Variants in DPP6 observed in about 807,000 individuals in gnomAD.
DPP6 encodes the protein A-type potassium channel modulatory protein DPP6.
A neutral mutation model predicts 122.6 loss-of-function variants in DPP6; 69 were observed. The observed-to-expected ratio is 0.56, with a 90% CI of 0.46 to 0.69. The LOEUF (loss-of-function observed/expected upper bound fraction) is 0.69, where lower values mean the gene tolerates loss of function less well. Among genes scored for constraint, DPP6 ranks in the 30% least tolerant of loss-of-function variants. The pLI is 0.00. For synonymous variants in DPP6, 418 were observed against 433.1 expected, an observed-to-expected ratio of 0.97 and a Z score of 0.43; for missense variants, 928 against 1,116.9, an observed-to-expected ratio of 0.83 and a Z score of 2.41.
At position 153,955,326 on chromosome 7, in the gene DPP6, C is replaced by T. The variant is rs931562237; in HGVS notation, c.51+67592C>T. On this transcript the variant is annotated intron_variant, in intron 1 of 25. Coordinates refer to the DPP6 transcript ENST00000404039. ...ATAAAGAAATCATCATCATTATCAC[C>T]GTCATCATTAATGGGTATGAGTACT... Among the ~76,000 whole-genome samples, 31 of 152,184 alleles carry T rather than the reference C, an allele frequency of 2.0e-4. No individual in the cohort carries two copies. In the East Asian group the frequency reaches 3.3e-3, roughly 16 times the overall value.
intron 1 of DPP6, among the ~76,000 whole-genome samples, chr7:153,937,322 C>T (rs1585057747): frequency 6.6e-6 from 1 of 152,166 alleles, no homozygotes; most frequent in South Asian, 2.1e-4. Context: ...CCTCAATTCC[C>T]TCCTAACTAT....
At chr7:154,513,015 A>G (rs988766090) in intron 3 of DPP6, among the ~76,000 whole-genome samples, 2 of 152,154 alleles carry the variant, frequency 1.3e-5, no homozygotes, top group Non-Finnish European at 2.9e-5. Flanking sequence ...AATACAATCT[A>G]TTCTATTGAA....
At chr7:154,635,687 G>A (rs1835689327) in intron 5 of DPP6, among the ~76,000 whole-genome samples, 1 of 152,178 alleles carries the variant, frequency 6.6e-6, no homozygotes, top group African/African-American at 2.4e-5. Flanking sequence ...TCCCTCATGA[G>A]GCCAGCATCA....
intron 7 of DPP6, among the ~76,000 whole-genome samples, chr7:154,718,559 C>A (rs1841620385): frequency 6.6e-6 from 1 of 151,798 alleles, no homozygotes; most frequent in Non-Finnish European, 1.5e-5. Context: ...ACACCCCCCC[C>A]AACTTTAGTC....
chr7:153,914,469 T>C (rs983294786), intron 1 of DPP6, among the ~76,000 whole-genome samples: 5 of 152,186 alleles, frequency 3.3e-5, no homozygotes, highest in African/African-American at 1.2e-4. Flanking sequence ...AGGAGCCCTT[T>C]TAAATTGCAG....
At chr7:154,806,867 G>GC in intron 15 of DPP6, 127 bp from the exon 16 acceptor site, 11 of 1,275,832 alleles carry the variant, frequency 8.6e-6, no homozygotes, top group South Asian at 1.6e-5. Context: ...AGAGGGAGAG[G>GC]CCCGGGGGGT....
At chr7:154,160,621 C>G (rs1016079313) in intron 1 of DPP6, among the ~76,000 whole-genome samples, 16 of 151,676 alleles carry the variant, frequency 1.1e-4, no homozygotes, top group Non-Finnish European at 2.2e-4. Context: ...TTCATGCATG[C>G]TGAGGAGGGG....
At chr7:153,868,043 T>C in the DPP6 span, among the ~76,000 whole-genome samples, 3 of 152,200 alleles carry the variant, frequency 2.0e-5, no homozygotes, top group African/African-American at 4.8e-5. Context: ...TGCTGCTGGA[T>C]TCAGTTTGCC....
chr7:153,798,973 CA>C, the DPP6 span, among the ~76,000 whole-genome samples: 1 of 152,160 alleles, frequency 6.6e-6, no homozygotes. Context: ...TGACAGGAGG[CA>C]GAGCTCCAGC....
intron 16 of DPP6, among the ~76,000 whole-genome samples, chr7:154,847,754 A>G (rs932191817): frequency 6.6e-6 from 1 of 152,166 alleles, no homozygotes; most frequent in Non-Finnish European, 1.5e-5. Flanking sequence ...TACAATAGAC[A>G]CCAAAAGGTA....
At chr7:154,355,327 C>G (rs980263732) in intron 1 of DPP6, among the ~76,000 whole-genome samples, 5 of 152,068 alleles carry the variant, frequency 3.3e-5, no homozygotes, top group Admixed American at 3.3e-4. Flanking sequence ...CTGTAGTTGG[C>G]CTTTTCATAT....
intron 1 of DPP6, among the ~76,000 whole-genome samples, chr7:153,982,978 A>G (rs1023433419): frequency 4.6e-5 from 7 of 152,214 alleles, no homozygotes; most frequent in Non-Finnish European, 8.8e-5. Context: ...TGAGGTGTCT[A>G]TCGACCTCTG....
intron 1 of DPP6, among the ~76,000 whole-genome samples, chr7:154,352,688 A>G (rs1460278020): frequency 2.6e-5 from 4 of 151,906 alleles, no homozygotes; most frequent in Non-Finnish European, 1.5e-5. Flanking sequence ...GGTGTGGGGT[A>G]AGGGGAGGGA....
chr7:153,917,646 T>C (rs923550737), intron 1 of DPP6, among the ~76,000 whole-genome samples: 5 of 152,216 alleles, frequency 3.3e-5, no homozygotes, highest in African/African-American at 4.8e-5. Flanking sequence ...TGAAGGACCT[T>C]CTTTAAAAAC....
At chr7:153,811,006 G>A in the DPP6 span, among the ~76,000 whole-genome samples, 415 of 151,914 alleles carry the variant, frequency 2.7e-3, no homozygotes, top group African/African-American at 9.3e-3. Context: ...TTAACACACA[G>A]CGGCAAACAG....
At chr7:153,775,130 A>AAC in the DPP6 span, among the ~76,000 whole-genome samples, 1 of 145,822 alleles carries the variant, frequency 6.9e-6, no homozygotes, top group Non-Finnish European at 1.5e-5. Context: ...CTCATGAACA[A>AAC]ACACACACAT....
At chr7:154,194,870 A>C (rs545504117) in intron 1 of DPP6, among the ~76,000 whole-genome samples, 2 of 152,348 alleles carry the variant, frequency 1.3e-5, no homozygotes, top group African/African-American at 2.4e-5. Flanking sequence ...AGTTTCAAGA[A>C]ATATATTCTG....
intron 1 of DPP6, among the ~76,000 whole-genome samples, chr7:153,951,975 G>A (rs1280815069): frequency 2.6e-5 from 4 of 152,128 alleles, no homozygotes; most frequent in African/African-American, 9.7e-5. Flanking sequence ...CCCGGGAAGC[G>A]GAGGTTGCAG....
intron 1 of DPP6, among the ~76,000 whole-genome samples, chr7:154,073,593 G>A (rs552960370): frequency 5.9e-5 from 9 of 152,264 alleles, no homozygotes; most frequent in South Asian, 2.1e-4. Flanking sequence ...TACTCATCGC[G>A]ATTAATACAT....
Sources: gnomAD v4.1 joint callset for allele counts (sites outside exome capture counted in the v4.1 genomes callset) on GRCh38, gnomAD v4.1.1 for gene constraint, MANE v1.5 for transcripts, NCBI Gene and HGNC (gene_info 2026-07-23, HGNC 2026-07-21) for gene names.